Variants in KCNK17 observed in about 807,000 individuals in gnomAD.
The protein encoded by KCNK17 is potassium two pore domain channel subfamily K member 17, also known as potassium channel subfamily K member 17.
In KCNK17, 27 loss-of-function variants were observed where a neutral mutation model predicts 24.6. That is an observed-to-expected ratio of 1.10 (90% CI 0.81 to 1.51). The LOEUF (loss-of-function observed/expected upper bound fraction) is 1.51. KCNK17 is among the 40% of genes most tolerant of loss of function. The pLI is 0.00. For missense variants in KCNK17, 450 were observed against 436.6 expected, an observed-to-expected ratio of 1.03 and a Z score of -0.27; for synonymous variants, 181 against 189.8, an observed-to-expected ratio of 0.95 and a Z score of 0.38.
intron 2 of KCNK17, among the ~76,000 whole-genome samples, chr6:39,308,235 C>T (rs889537819): frequency 1.3e-5 from 2 of 152,100 alleles, no homozygotes; most frequent in Non-Finnish European, 2.9e-5. Flanking sequence ...AGTGTCTGGC[C>T]CACACTAGGT....
intron 4 of KCNK17, chr6:39,300,470 C>T: frequency 6.5e-7 from 1 of 1,550,174 alleles, no homozygotes; most frequent in South Asian, 1.2e-5. Context: ...GATGTCCGCT[C>T]TAGTGTTTGC....
At chr6:39,310,495 C>T (rs1229620710) in intron 2 of KCNK17, among the ~76,000 whole-genome samples, 1 of 152,162 alleles carries the variant, frequency 6.6e-6, no homozygotes, top group African/African-American at 2.4e-5. Flanking sequence ...AACTTTCCCT[C>T]CACTTCTCCC....
intron 4 of KCNK17, among the ~76,000 whole-genome samples, chr6:39,301,149 G>A (rs946995464): frequency 2.6e-5 from 4 of 152,230 alleles, no homozygotes; most frequent in African/African-American, 9.7e-5. Flanking sequence ...AGCTGAGGGA[G>A]GGGACTGATG....
intron 2 of KCNK17, among the ~76,000 whole-genome samples, chr6:39,308,132 G>T (rs1029528896): frequency 1.9e-4 from 29 of 152,304 alleles, no homozygotes; most frequent in Admixed American, 1.9e-3. Context: ...TATTGTCCAT[G>T]TATCTGTTTA....
rs375150521 is a variant in KCNK17, at chr6:39,299,387, G to A, written c.*40C>T. 1.6e-4 allele frequency: 243 copies of A among 1,500,798 alleles called. 2 individuals are homozygous for A. The highest frequency in any genetic ancestry group is 1.2e-3 in the Middle Eastern group (7 of 5,788). 93.0% of individuals were successfully genotyped at this position (1,500,798 alleles called of 1,614,324 possible). ...ACATGTGCAAAGCTTAAAATCAGGG[G>A]TCTTGCTACCGAGGACGACGACCAA... On this transcript the variant is annotated 3_prime_UTR_variant, in exon 5 of 5. Transcript: ENST00000373231.
chr6:39,305,746 C>T (rs1401004608), intron 2 of KCNK17, among the ~76,000 whole-genome samples: 3 of 151,908 alleles, frequency 2.0e-5, no homozygotes, highest in Admixed American at 6.5e-5. Flanking sequence ...CTCTGAGACT[C>T]GTCTGGTGCC....
chr6:39,303,893 G>A, intron 4 of KCNK17, 64 bp downstream of exon 4: 2 of 1,550,818 alleles, frequency 1.3e-6, no homozygotes, highest in Non-Finnish European at 1.8e-6. Context: ...AGCTGCGGGA[G>A]CAGATGAGTG....
intron 2 of KCNK17, among the ~76,000 whole-genome samples, chr6:39,308,344 G>A: frequency 6.6e-6 from 1 of 152,238 alleles, no homozygotes; most frequent in East Asian, 1.9e-4. Context: ...AGGCTGAAGT[G>A]CAGTGGCACA....
intron 1 of KCNK17, among the ~76,000 whole-genome samples, chr6:39,313,484 G>T (rs1049492677): frequency 3.3e-5 from 5 of 152,122 alleles, no homozygotes; most frequent in Non-Finnish European, 7.4e-5. Context: ...AGCACGCCTC[G>T]GGCCCAATCC....
chr6:39,300,560 T>C (rs1295478191), intron 4 of KCNK17: 1 of 1,545,006 alleles, frequency 6.5e-7, no homozygotes, highest in Non-Finnish European at 8.8e-7. Context: ...AATGGAACCA[T>C]AAGAATATGT....
chr6:39,314,072 C>T lies in KCNK17; in HGVS notation c.237+12G>A. 6.4e-7 allele frequency: 1 copy of T among 1,555,060 alleles called. No homozygotes were observed. Among genetic ancestry groups the T allele is most frequent in the Non-Finnish European group, 8.7e-7 (1 of 1,150,170 alleles). On this transcript the variant is annotated intron_variant, in intron 1 of 4. Coordinates refer to ENST00000373231, the MANE Select transcript of KCNK17 (RefSeq NM_031460.4). Reference sequence around the variant, plus strand: ...TCCCGCCGCGCCCAGGCCGACGCCGCTCGCCCCTGACCCGGATCAGCGAGT... The same window carrying T: ...TCCCGCCGCGCCCAGGCCGACGCCGTTCGCCCCTGACCCGGATCAGCGAGT...
At chr6:39,306,512 C>G (rs1368906950) in intron 2 of KCNK17, among the ~76,000 whole-genome samples, 1 of 152,146 alleles carries the variant, frequency 6.6e-6, no homozygotes, top group Non-Finnish European at 1.5e-5. Context: ...CTCATTTTGC[C>G]TCCTAGCACT....
chr6:39,304,760 C>T, intron 2 of KCNK17, 105 bp from the exon 3 acceptor site: 2 of 1,276,030 alleles, frequency 1.6e-6, no homozygotes, highest in Admixed American at 3.7e-5. Flanking sequence ...CATTCTAACC[C>T]ACTGTAGATG....
chr6:39,304,148 G>A lies in KCNK17; in HGVS notation c.514-17C>T, dbSNP rs1453436153. ...GTCAGGATCCTGTGGGTGCAACATT[G>A]TCCCCAGGCCTCCTGAGGCCTTCAC... is the stretch of plus-strand genomic sequence containing the variant. On this transcript the variant is annotated splice_polypyrimidine_tract_variant and intron_variant, in intron 3 of 4. Transcript: ENST00000373231. 2 of 1,603,284 alleles carry A rather than the reference G, an allele frequency of 1.2e-6. No homozygotes were observed. The highest frequency in any genetic ancestry group is 1.7e-5 in the Admixed American group (1 of 59,852).
At position 39,300,796 on chromosome 6, in the gene KCNK17, G is replaced by A. The variant is rs74831177; in HGVS notation, c.689-1059C>T. On this transcript the variant is annotated intron_variant, in intron 4 of 4. Transcript: ENST00000373231. ...TGGGCTTTTGTACTTATGGCCTCTC[G>A]GCTCCAAATGCTCTTCATTTTCCAT... 5.2e-3 allele frequency among the ~76,000 whole-genome samples: 797 copies of A among 152,026 alleles called. 9 individuals carry two copies. The highest frequency in any genetic ancestry group is 0.018 in the African/African-American group (743 of 41,426).
rs970378805 is a variant in KCNK17 at position 39,304,048 on chromosome 6, G to A, written c.597C>T (p.Leu199=). The A allele has an allele frequency of 6.2e-7, 1 of 1,613,708 alleles. No individual in the cohort carries two copies. Among genetic ancestry groups the A allele is most frequent in the African/African-American group, 1.3e-5 (1 of 74,948 alleles). ...AGCTCCAGCCCTCCATGTGGGAGAA[G>A]AGCAGCGGTGGCAGCAGCAGGAAGA... ...LLLFLLLPPL[L]FSHMEGWSYT... is the part of the protein sequence containing the mutation. Residue 199 remains leucine, a synonymous_variant, in exon 4 of 5, where the codon CTC becomes CTT. Coordinates refer to ENST00000373231, the MANE Select transcript of KCNK17 (RefSeq NM_031460.4).
intron 2 of KCNK17, 73 bp from the exon 3 acceptor site, chr6:39,304,728 T>A: frequency 6.6e-7 from 1 of 1,519,472 alleles, no homozygotes; most frequent in South Asian, 1.2e-5. Context: ...GCCCCACTCC[T>A]GGGCCCAACC....
At chr6:39,303,895 A>C in intron 4 of KCNK17, 62 bp downstream of exon 4, 1 of 1,556,086 alleles carries the variant, frequency 6.4e-7, no homozygotes, top group Non-Finnish European at 8.8e-7. Context: ...CTGCGGGAGC[A>C]GATGAGTGAG....
At chr6:39,312,189 G>C (rs183752807) in intron 1 of KCNK17, among the ~76,000 whole-genome samples, 32 of 152,276 alleles carry the variant, frequency 2.1e-4, no homozygotes, top group African/African-American at 7.2e-4. Context: ...TGTGGACATG[G>C]GGCAGACAAT....
Sources: gnomAD v4.1 joint callset for allele counts (sites outside exome capture counted in the v4.1 genomes callset) on GRCh38, gnomAD v4.1.1 for gene constraint, MANE v1.5 for transcripts, NCBI Gene and HGNC (gene_info 2026-07-23, HGNC 2026-07-21) for gene names.